MECOM: variants seen among roughly 807,000 people sequenced by gnomAD.
The protein encoded by MECOM is histone-lysine N-methyltransferase MECOM.
In MECOM, 13 loss-of-function variants were observed where a neutral mutation model predicts 116.3. The observed-to-expected ratio is 0.11, with a 90% confidence interval of 0.07 to 0.18. MECOM has a LOEUF of 0.18. MECOM is among the 10% of genes least tolerant of loss of function. MECOM has a pLI of 1.00. For missense variants in MECOM, 1,299 were observed against 1,509.0 expected (o/e 0.86, Z 2.31); for synonymous variants, 528 against 535.2 (o/e 0.99, Z 0.19).
intron 1 of MECOM, among the ~76,000 whole-genome samples, chr3:169,469,689 T>C (rs1424297066): frequency 2.0e-5 from 3 of 152,192 alleles, no homozygotes; most frequent in Non-Finnish European, 2.9e-5. Flanking sequence ...CAGAGATACA[T>C]GCATTTTTCC....
At chr3:169,161,119 A>G (rs763782485) in intron 2 of MECOM, among the ~76,000 whole-genome samples, 5 of 152,226 alleles carry the variant, frequency 3.3e-5, no homozygotes, top group Non-Finnish European at 7.4e-5. Flanking sequence ...CATTTAGTGT[A>G]CATTGATGAT....
chr3:169,598,795 G>A (rs1423470843), intron 1 of MECOM, among the ~76,000 whole-genome samples: 1 of 152,146 alleles, frequency 6.6e-6, no homozygotes, highest in Non-Finnish European at 1.5e-5. Flanking sequence ...AAAGAGAAGG[G>A]TCTTAAGAAA....
chr3:169,090,054 T>C lies in MECOM; in HGVS notation c.3347A>G (p.Asp1116Gly). ...CAGGGCACTGGTTTCTTCATAGTCATCCTCAGGGTTTCCTTCATGTAAATT... is the reference window on the plus strand; with the variant it reads ...CAGGGCACTGGTTTCTTCATAGTCACCCTCAGGGTTTCCTTCATGTAAATT... Reference protein sequence around the residue: ...TSNLHEGNPEDDYEETSALEM... With the variant: ...TSNLHEGNPEGDYEETSALEM... Residue 1116 changes from aspartate to glycine, a missense_variant, in exon 15 of 17, where the codon GAT becomes GGT. Asp to Gly is a moderately conservative substitution (Grantham distance 94). Coordinates refer to ENST00000651503, the MANE Select transcript of MECOM (RefSeq NM_004991.4). 6.2e-7 allele frequency: 1 copy of C among 1,613,676 alleles called. No homozygotes were observed. The highest frequency in any genetic ancestry group is 1.1e-5 in the South Asian group (1 of 91,068).
chr3:169,403,988 A>T (rs938269308), intron 1 of MECOM, among the ~76,000 whole-genome samples: 14 of 152,194 alleles, frequency 9.2e-5, no homozygotes, highest in South Asian at 8.3e-4. Flanking sequence ...GAAGATAGAT[A>T]AAAATTTACA....
At chr3:169,482,876 G>A (rs573658930) in intron 1 of MECOM, among the ~76,000 whole-genome samples, 50 of 152,196 alleles carry the variant, frequency 3.3e-4, no homozygotes, top group African/African-American at 1.1e-3. Context: ...CACGAAGCAG[G>A]GACTTGCCAA....
chr3:169,365,197 T>C (rs1485752799), intron 2 of MECOM, among the ~76,000 whole-genome samples: 1 of 152,004 alleles, frequency 6.6e-6, no homozygotes, highest in Non-Finnish European at 1.5e-5. Flanking sequence ...TTTGTTACTA[T>C]AGAAGAACTA....
intron 2 of MECOM, chr3:169,145,910 T>C (rs2149303509): frequency 4.6e-6 from 1 of 216,158 alleles, no homozygotes; most frequent in Middle Eastern, 1.4e-3. Context: ...ACCATCATAT[T>C]AACATTCTTC....
At chr3:169,527,533 A>G (rs917284051) in intron 1 of MECOM, among the ~76,000 whole-genome samples, 1 of 152,048 alleles carries the variant, frequency 6.6e-6, no homozygotes, top group African/African-American at 2.4e-5. Flanking sequence ...ATAATTAAAC[A>G]TTTTCTTTTC....
At chr3:169,216,357 C>T (rs1213784353) in intron 2 of MECOM, among the ~76,000 whole-genome samples, 2 of 152,048 alleles carry the variant, frequency 1.3e-5, no homozygotes, top group East Asian at 1.9e-4. Context: ...TATTTCAAGC[C>T]TATGGGATAG....
intron 2 of MECOM, among the ~76,000 whole-genome samples, chr3:169,165,770 A>G (rs958998425): frequency 6.6e-6 from 1 of 152,192 alleles, no homozygotes; most frequent in East Asian, 1.9e-4. Flanking sequence ...TTCCTTCTAC[A>G]TTTTTCACTC....
At chr3:169,547,498 G>C (rs1361785577) in intron 1 of MECOM, among the ~76,000 whole-genome samples, 1 of 152,098 alleles carries the variant, frequency 6.6e-6, no homozygotes, top group Non-Finnish European at 1.5e-5. Context: ...ATGGGCTTTG[G>C]AGGCAAACTA....
intron 1 of MECOM, among the ~76,000 whole-genome samples, chr3:169,640,137 C>T (rs1209839720): frequency 1.3e-5 from 2 of 151,420 alleles, no homozygotes; most frequent in Non-Finnish European, 1.5e-5. Flanking sequence ...TTGATTTGAG[C>T]AATATTAAGA....
At position 169,378,497 on chromosome 3, in the gene MECOM, GAA is replaced by G. The variant is rs879911806; in HGVS notation, c.375+2688_375+2689del. 9.3e-4 allele frequency among the ~76,000 whole-genome samples: 30 copies of G among 32,158 alleles called. 6 individuals are homozygous for G. In the South Asian group the frequency reaches 9.7e-3, roughly 10 times the overall value. The allele number at this position is 32,158 out of a possible 152,430, so 21.1% of individuals were successfully genotyped here. On this transcript the variant is annotated intron_variant, in intron 2 of 16. Coordinates refer to ENST00000651503, the MANE Select transcript of MECOM (RefSeq NM_004991.4). ...AGCAAGAAAGAGAGAGAGAAAGAAA[GAA>G]AGAAAGAAAGAAAGAAAAGAAAGAA...
At chr3:169,143,602 CA>C in intron 3 of MECOM, 95 bp downstream of exon 3, 3 of 1,227,568 alleles carry the variant, frequency 2.4e-6, no homozygotes, top group Non-Finnish European at 3.3e-6. Flanking sequence ...AAACAGGCCA[CA>C]AGGGTCTACT....
intron 2 of MECOM, among the ~76,000 whole-genome samples, chr3:169,237,813 T>A (rs1418274050): frequency 6.6e-6 from 1 of 152,124 alleles, no homozygotes; most frequent in Non-Finnish European, 1.5e-5. Flanking sequence ...ATTTAACCAT[T>A]TAAAATTTAT....
intron 1 of MECOM, among the ~76,000 whole-genome samples, chr3:169,541,743 T>C (rs375353633): frequency 2.1e-4 from 32 of 151,720 alleles, no homozygotes; most frequent in Admixed American, 2.1e-3. Flanking sequence ...TGCATTGTCC[T>C]GGCCAGCACA....
chr3:169,592,885 C>T (rs576603269), intron 1 of MECOM, among the ~76,000 whole-genome samples: 1 of 152,050 alleles, frequency 6.6e-6, no homozygotes, highest in African/African-American at 2.4e-5. Context: ...GATATGTAGG[C>T]ATGATATGTA....
intron 2 of MECOM, among the ~76,000 whole-genome samples, chr3:169,231,748 A>G (rs1353529170): frequency 1.3e-5 from 2 of 151,908 alleles, no homozygotes; most frequent in Non-Finnish European, 2.9e-5. Flanking sequence ...GAGGTGGAAG[A>G]CAAATCATAC....
intron 1 of MECOM, among the ~76,000 whole-genome samples, chr3:169,627,675 A>G (rs900328780): frequency 6.6e-6 from 1 of 152,256 alleles, no homozygotes; most frequent in Non-Finnish European, 1.5e-5. Flanking sequence ...AACTCTTAGA[A>G]GCAAATAAAA....
Sources: gnomAD v4.1 joint callset for allele counts (sites outside exome capture counted in the v4.1 genomes callset) on GRCh38, gnomAD v4.1.1 for gene constraint, MANE v1.5 for transcripts, NCBI Gene and HGNC (gene_info 2026-07-23, HGNC 2026-07-21) for gene names.